CDH18: variants seen among roughly 807,000 people sequenced by gnomAD.
CDH18 encodes cadherin 18, also known as cadherin-18.
In CDH18, 31 loss-of-function variants were observed where a neutral mutation model predicts 67.9. The observed-to-expected ratio is 0.46, with a 90% confidence interval of 0.34 to 0.62. The LOEUF (loss-of-function observed/expected upper bound fraction) is 0.62. Among genes scored for constraint, CDH18 ranks in the 20% least tolerant of loss-of-function variants. The probability of loss-of-function intolerance (pLI) is 0.01; values close to 1 mark genes in which losing one functional copy is unlikely to be tolerated. For missense variants in CDH18, 890 were observed against 975.5 expected (o/e 0.91, Z 1.17); for synonymous variants, 362 against 347.2 (o/e 1.04, Z -0.48).
chr5:20,518,817 T>C (rs1755538609), intron 1 of CDH18, among the ~76,000 whole-genome samples: 1 of 152,162 alleles, frequency 6.6e-6, no homozygotes, highest in African/African-American at 2.4e-5. Context: ...GTTTCTGCTA[T>C]TTGTTAACAC....
At chr5:19,577,970 CAG>C (rs1742601710) in intron 7 of CDH18, among the ~76,000 whole-genome samples, 1 of 152,054 alleles carries the variant, frequency 6.6e-6, no homozygotes, top group Non-Finnish European at 1.5e-5. Context: ...ACCACAGAGG[CAG>C]AGAGAGGAGT....
At chr5:19,501,050 T>C (rs932199142) in intron 11 of CDH18, among the ~76,000 whole-genome samples, 4 of 151,520 alleles carry the variant, frequency 2.6e-5, no homozygotes, top group African/African-American at 9.7e-5. Context: ...GGAGAATCGC[T>C]TGGACCCAGG....
At chr5:19,690,624 C>CAA (rs144038598) in intron 5 of CDH18, among the ~76,000 whole-genome samples, 1 of 150,898 alleles carries the variant, frequency 6.6e-6, no homozygotes, top group Non-Finnish European at 1.5e-5. Context: ...CACAGAAATA[C>CAA]AAAAAAAATC....
At chr5:19,748,260 A>C (rs576121718) in intron 3 of CDH18, among the ~76,000 whole-genome samples, 8 of 151,792 alleles carry the variant, frequency 5.3e-5, no homozygotes, top group African/African-American at 1.9e-4. Context: ...AAATACAGTA[A>C]CAAATCTACA....
chr5:20,306,631 A>T (rs1736483469), intron 1 of CDH18, among the ~76,000 whole-genome samples: 1 of 152,198 alleles, frequency 6.6e-6, no homozygotes, highest in African/African-American at 2.4e-5. Flanking sequence ...TAATGTTTGT[A>T]TTGAGACAAT....
intron 1 of CDH18, among the ~76,000 whole-genome samples, chr5:20,548,635 C>A (rs530140447): frequency 1.1e-3 from 174 of 152,098 alleles, no homozygotes; most frequent in Non-Finnish European, 1.9e-3. Flanking sequence ...TACAGTGAAT[C>A]TAGAATCAAA....
At position 19,839,071 on chromosome 5, in the gene CDH18, A is replaced by G; in HGVS notation, c.-85T>C. ...AGTGAGCATTCAAGAGAGAAGCCAGAGCATCTTTAGGAAGGACAGTCCAAA... is the reference window on the plus strand; with the variant it reads ...AGTGAGCATTCAAGAGAGAAGCCAGGGCATCTTTAGGAAGGACAGTCCAAA... On this transcript the variant is annotated 5_prime_UTR_variant, in exon 3 of 13. Transcript: ENST00000382275. 1 of 1,030,626 alleles carries G rather than the reference A, an allele frequency of 9.7e-7. No homozygotes were observed. Among genetic ancestry groups the G allele is most frequent in the South Asian group, 1.4e-5 (1 of 73,348 alleles). The allele number at this position is 1,030,626 out of a possible 1,614,324, so 63.8% of individuals were successfully genotyped here. A position where few individuals can be genotyped will look rare whatever the true frequency, so the allele number is the denominator to read the frequency against.
intron 2 of CDH18, among the ~76,000 whole-genome samples, chr5:20,236,037 T>C (rs898700099): frequency 6.6e-6 from 1 of 152,196 alleles, no homozygotes; most frequent in South Asian, 2.1e-4. Flanking sequence ...CCATTGGGTA[T>C]ACCTGGTCAC....
rs919521344 is a variant in CDH18 at position 20,123,023 on chromosome 5, TATATATAA to T, written c.-517-131017_-517-131010del. Among the ~76,000 whole-genome samples the T allele has an allele frequency of 5.3e-4, 79 of 148,198 alleles. 1 individual carries two copies. Among genetic ancestry groups the T allele is most frequent in the Admixed American group, 4.3e-3 (63 of 14,788 alleles). On this transcript the variant is annotated intron_variant, in intron 2 of 14. Transcript: ENST00000507958. The stretch of plus-strand genomic sequence containing the variant: ...TTAAAAATACCTATATAAGCTATTA[TATATATAA>T]ATATATAAATGTATTATATGTATCT...
At chr5:20,098,451 C>T (rs112374265) in intron 2 of CDH18, among the ~76,000 whole-genome samples, 3,362 of 152,034 alleles carry the variant, frequency 0.022, 118 homozygotes, top group African/African-American at 0.072. Context: ...ATCTTATTAC[C>T]GAAAGGTTTT....
At chr5:19,702,145 TC>T (rs1354136508) in intron 5 of CDH18, among the ~76,000 whole-genome samples, 13 of 56,494 alleles carry the variant, frequency 2.3e-4, no homozygotes, top group African/African-American at 6.4e-4. Context: ...TTTCTTTCTC[TC>T]TCTTTTTTTT....
At position 19,937,362 on chromosome 5, in the gene CDH18, T is replaced by C. The variant is rs189388379; in HGVS notation, c.-257+43698A>G. Among the ~76,000 whole-genome samples the C allele has an allele frequency of 5.0e-4, 75 of 151,474 alleles. No homozygotes were observed. In the East Asian group the frequency reaches 0.014, roughly 28 times the overall value. On this transcript the variant is annotated intron_variant, in intron 2 of 12. Transcript: ENST00000382275. ...AGAAAGTAACAAGGAGGTGTTATGGTGGGGTAGTGAAGATGTGATTTACAT... is the reference window on the plus strand; with the variant it reads ...AGAAAGTAACAAGGAGGTGTTATGGCGGGGTAGTGAAGATGTGATTTACAT...
At chr5:20,417,401 G>A (rs963550213) in intron 1 of CDH18, among the ~76,000 whole-genome samples, 4 of 152,022 alleles carry the variant, frequency 2.6e-5, no homozygotes, top group Non-Finnish European at 5.9e-5. Flanking sequence ...GTTTATTTCA[G>A]CAAAGATAGA....
intron 3 of CDH18, among the ~76,000 whole-genome samples, chr5:19,835,497 TAAAG>T (rs993405274): frequency 1.3e-5 from 2 of 150,754 alleles, no homozygotes; most frequent in Non-Finnish European, 3.0e-5. Flanking sequence ...TTAGAAGAAA[TAAAG>T]AAAAAAAAGA....
At chr5:20,522,339 T>C (rs548084738) in intron 1 of CDH18, among the ~76,000 whole-genome samples, 56 of 152,300 alleles carry the variant, frequency 3.7e-4, no homozygotes, top group African/African-American at 1.3e-3. Context: ...TTGACACAAA[T>C]AACCATGTCT....
At chr5:20,021,930 T>G (rs1561721400) in intron 2 of CDH18, among the ~76,000 whole-genome samples, 1 of 152,204 alleles carries the variant, frequency 6.6e-6, no homozygotes, top group East Asian at 1.9e-4. Context: ...TGATAATATT[T>G]GCTTAATAAA....
intron 1 of CDH18, among the ~76,000 whole-genome samples, chr5:20,457,680 G>T (rs1252493024): frequency 2.0e-5 from 3 of 152,126 alleles, no homozygotes; most frequent in Admixed American, 1.3e-4. Context: ...AATTTGGAAG[G>T]TCTCCCAGTC....
chr5:20,389,381 CT>C (rs944913527), intron 1 of CDH18, among the ~76,000 whole-genome samples: 2 of 152,000 alleles, frequency 1.3e-5, no homozygotes, highest in African/African-American at 2.4e-5. Context: ...CAACACCTGC[CT>C]TTTTTTGTTT....
chr5:19,879,479 T>A (rs1372412884), intron 2 of CDH18, among the ~76,000 whole-genome samples: 4 of 152,046 alleles, frequency 2.6e-5, no homozygotes, highest in Admixed American at 6.6e-5. Context: ...TATCTATTAC[T>A]TGTATGATAT....
Sources: gnomAD v4.1 joint callset for allele counts (sites outside exome capture counted in the v4.1 genomes callset) on GRCh38, gnomAD v4.1.1 for gene constraint, MANE v1.5 for transcripts, NCBI Gene and HGNC (gene_info 2026-07-23, HGNC 2026-07-21) for gene names.